The following NEK11 variants were observed in gnomAD, a reference collection of about 807,000 sequenced individuals.
The protein encoded by NEK11 is serine/threonine-protein kinase Nek11.
Under a neutral mutation model 80.7 loss-of-function variants are expected in NEK11, and 72 were observed. That is an observed-to-expected ratio of 0.89 (90% CI 0.74 to 1.08). NEK11 has a LOEUF of 1.08. Ranked by LOEUF, NEK11 falls within the 50% of genes least tolerant of loss-of-function variation. The pLI, the probability that NEK11 is intolerant of heterozygous loss-of-function variation, is 0.00. For synonymous variants in NEK11, 251 were observed against 260.7 expected (o/e 0.96, Z 0.36); for missense variants, 764 against 763.6 (o/e 1.00, Z -0.01).
chr3:131,258,983 G>T (rs1245729142), intron 16 of NEK11, among the ~76,000 whole-genome samples: 12 of 152,068 alleles, frequency 7.9e-5, no homozygotes, highest in Non-Finnish European at 1.2e-4. Context: ...TAGCAATAAT[G>T]TACCTTTATA....
At chr3:131,074,398 C>G (rs932470498) in intron 3 of NEK11, among the ~76,000 whole-genome samples, 1 of 152,058 alleles carries the variant, frequency 6.6e-6, no homozygotes, top group Non-Finnish European at 1.5e-5. Context: ...TTTTATATGT[C>G]TCTTAAAAAA....
At chr3:131,271,667 A>T (rs1490012221) in intron 16 of NEK11, among the ~76,000 whole-genome samples, 1 of 151,864 alleles carries the variant, frequency 6.6e-6, no homozygotes, top group Non-Finnish European at 1.5e-5. Flanking sequence ...TGGTGGCGGG[A>T]GCCTGTAATC....
chr3:131,341,683 T>C (rs1214508837), intron 17 of NEK11, among the ~76,000 whole-genome samples: 1 of 152,236 alleles, frequency 6.6e-6, no homozygotes, highest in African/African-American at 2.4e-5. Context: ...TTTTATTAGA[T>C]GCATGCTCAT....
chr3:131,171,470 C>T (rs2092688363), intron 14 of NEK11, among the ~76,000 whole-genome samples: 1 of 152,052 alleles, frequency 6.6e-6, no homozygotes, highest in South Asian at 2.1e-4. Context: ...AATTAGTGGT[C>T]CAAATGGAGC....
At chr3:131,197,330 G>A (rs2094057267) in intron 14 of NEK11, among the ~76,000 whole-genome samples, 1 of 152,150 alleles carries the variant, frequency 6.6e-6, no homozygotes, top group East Asian at 1.9e-4. Flanking sequence ...TGCCTTCGAT[G>A]TCATTAACAT....
intron 14 of NEK11, among the ~76,000 whole-genome samples, chr3:131,176,851 TAGCTAAATATAAATCA>T (rs2093047414): frequency 6.6e-6 from 1 of 152,166 alleles, no homozygotes; most frequent in East Asian, 1.9e-4. Flanking sequence ...GATCATCACT[TAGCTAAATATAAATCA>T]TATAGTAGTT....
At chr3:131,188,077 A>G (rs937055291) in intron 14 of NEK11, among the ~76,000 whole-genome samples, 2 of 152,126 alleles carry the variant, frequency 1.3e-5, no homozygotes, top group Non-Finnish European at 2.9e-5. Flanking sequence ...TGACACTGGG[A>G]CTAGAGCTGG....
At chr3:131,140,362 G>C (rs1246010004) in intron 7 of NEK11, among the ~76,000 whole-genome samples, 4 of 152,154 alleles carry the variant, frequency 2.6e-5, no homozygotes, top group Non-Finnish European at 5.9e-5. Flanking sequence ...TGAGCTTCCA[G>C]CTGATAGCCA....
At chr3:131,051,842 T>C (rs1037330903) in intron 3 of NEK11, among the ~76,000 whole-genome samples, 18 of 152,314 alleles carry the variant, frequency 1.2e-4, no homozygotes, top group African/African-American at 4.1e-4. Flanking sequence ...GAATATGTCA[T>C]GGAGTAGAGT....
chr3:131,032,319 G>GA (rs538971813), intron 3 of NEK11, among the ~76,000 whole-genome samples: 1 of 151,816 alleles, frequency 6.6e-6, no homozygotes, highest in Non-Finnish European at 1.5e-5. Flanking sequence ...ATCTTTTCTA[G>GA]AAAAAAAAGA....
At chr3:131,148,660 G>A (rs2088935603) in intron 7 of NEK11, among the ~76,000 whole-genome samples, 1 of 151,662 alleles carries the variant, frequency 6.6e-6, no homozygotes, top group African/African-American at 2.4e-5. Flanking sequence ...TAGAGGGTCA[G>A]GGGATACTTC....
intron 3 of NEK11, among the ~76,000 whole-genome samples, chr3:131,070,359 A>C (rs2073044639): frequency 6.6e-6 from 1 of 152,212 alleles, no homozygotes; most frequent in Non-Finnish European, 1.5e-5. Context: ...AAACACACAA[A>C]ATTATACCTT....
intron 3 of NEK11, among the ~76,000 whole-genome samples, chr3:131,057,306 G>A (rs2069746453): frequency 6.6e-6 from 1 of 152,022 alleles, no homozygotes; most frequent in African/African-American, 2.4e-5. Flanking sequence ...GTTTAGGTTG[G>A]TTCCAAGTCT....
intron 3 of NEK11, among the ~76,000 whole-genome samples, chr3:131,066,349 A>G (rs1359743849): frequency 1.3e-5 from 2 of 152,200 alleles, no homozygotes; most frequent in East Asian, 3.8e-4. Context: ...TGGAACATGT[A>G]CATGTGCCTT....
At chr3:131,309,987 TAAAAAAAAAAA>T (rs558210123) in intron 17 of NEK11, among the ~76,000 whole-genome samples, 69 of 23,306 alleles carry the variant, frequency 3.0e-3, no homozygotes, top group African/African-American at 7.7e-3. Flanking sequence ...AGACCATGTT[TAAAAAAAAAAA>T]AAAAAAAAAA....
intron 10 of NEK11, among the ~76,000 whole-genome samples, chr3:131,160,940 T>A (rs1172580535): frequency 1.3e-5 from 2 of 152,084 alleles, no homozygotes; most frequent in Non-Finnish European, 2.9e-5. Flanking sequence ...CTCAGAAAGC[T>A]TTACACCAGT....
intron 14 of NEK11, among the ~76,000 whole-genome samples, chr3:131,199,336 G>T (rs2094143764): frequency 6.6e-6 from 1 of 151,914 alleles, no homozygotes; most frequent in South Asian, 2.1e-4. Context: ...CTAATAAAAG[G>T]TGATTCAACC....
At chr3:131,278,318 A>G (rs141113464) in intron 17 of NEK11, among the ~76,000 whole-genome samples, 5 of 152,348 alleles carry the variant, frequency 3.3e-5, no homozygotes, top group African/African-American at 1.2e-4. Flanking sequence ...AATGTTGGCA[A>G]AATGACAAGA....
At chr3:131,194,582 C>G (rs1415405860) in intron 14 of NEK11, among the ~76,000 whole-genome samples, 1 of 151,952 alleles carries the variant, frequency 6.6e-6, no homozygotes, top group Non-Finnish European at 1.5e-5. Context: ...AATATGTACA[C>G]TATTTACATT....
Sources: gnomAD v4.1 joint callset for allele counts (sites outside exome capture counted in the v4.1 genomes callset) on GRCh38, gnomAD v4.1.1 for gene constraint, MANE v1.5 for transcripts, NCBI Gene and HGNC (gene_info 2026-07-23, HGNC 2026-07-21) for gene names.